Variants in SEC14L5 observed in about 807,000 individuals in gnomAD.
SEC14L5 encodes SEC14 like lipid binding 5.
Under a neutral mutation model 84.6 loss-of-function variants are expected in SEC14L5, and 96 were observed. That is an observed-to-expected ratio of 1.13 (90% CI 0.96 to 1.34). SEC14L5 has a LOEUF of 1.34. Ranked by LOEUF, SEC14L5 falls within the 40% of genes most tolerant of loss-of-function variation. The pLI is 0.00. For synonymous variants in SEC14L5, 546 were observed against 383.4 expected (o/e 1.42, Z -4.95); for missense variants, 1,224 against 942.5 (o/e 1.30, Z -3.91).
intron 2 of SEC14L5, among the ~76,000 whole-genome samples, chr16:4,982,258 G>A (rs185526063): frequency 1.0e-3 from 159 of 152,276 alleles, no homozygotes; most frequent in African/African-American, 3.7e-3. Context: ...GGAAGGGGGA[G>A]GAGGTGTCTG....
intron 2 of SEC14L5, among the ~76,000 whole-genome samples, chr16:4,979,316 G>A (rs1955390627): frequency 1.3e-5 from 2 of 152,216 alleles, no homozygotes; most frequent in African/African-American, 4.8e-5. Context: ...CCCATGGTCT[G>A]ACTGCAAGGG....
rs1365622314 is a variant in SEC14L5 at position 4,997,060 on chromosome 16, C to T, written c.970+16C>T. 1.9e-6 allele frequency: 3 copies of T among 1,586,590 alleles called. No homozygotes were observed. Reference sequence around the variant, plus strand: ...CAGGACATAGGTGCGTGCCTCCACCCACATCATGTATAGGGCATACTTTGG... The same window carrying T: ...CAGGACATAGGTGCGTGCCTCCACCTACATCATGTATAGGGCATACTTTGG... On this transcript the variant is annotated intron_variant, in intron 8 of 15. Transcript: ENST00000251170.
chr16:4,978,634 G>A (rs939704972), intron 2 of SEC14L5, among the ~76,000 whole-genome samples: 13 of 151,336 alleles, frequency 8.6e-5, no homozygotes, highest in African/African-American at 2.4e-4. Flanking sequence ...ATGGAGTCTC[G>A]CTCTGTCACC....
chr16:4,972,537 C>G (rs1164741248), intron 2 of SEC14L5, among the ~76,000 whole-genome samples: 7 of 152,220 alleles, frequency 4.6e-5, no homozygotes, highest in Non-Finnish European at 1.0e-4. Flanking sequence ...TTTGCTGTCT[C>G]TGCAAATTTG....
Position 5,017,017 on chromosome 16 carries a change from AT to A in SEC14L5, c.*2048del, listed in dbSNP as rs1460302842. The A allele has an allele frequency of 6.6e-6, 1 of 152,204 alleles. No homozygotes were observed. Among genetic ancestry groups the A allele is most frequent in the Non-Finnish European group, 1.5e-5 (1 of 68,042 alleles). 9.4% of individuals were successfully genotyped at this position (152,204 alleles called of 1,614,324 possible). The stretch of plus-strand genomic sequence containing the variant: ...AGAGCAACTTGCAATATTTTCAACT[AT>A]CTTTAAGTGAATTTCTAGCTTTTCT... On this transcript the variant is annotated 3_prime_UTR_variant, in exon 16 of 16. Coordinates refer to ENST00000251170, the MANE Select transcript of SEC14L5 (RefSeq NM_014692.2).
chr16:4,967,695 C>A (rs566847856), intron 2 of SEC14L5, among the ~76,000 whole-genome samples: 1 of 146,920 alleles, frequency 6.8e-6, no homozygotes, highest in South Asian at 2.2e-4. Context: ...ACCTCAGCCT[C>A]CTGAGTAGCT....
At chr16:4,996,578 A>T (rs1955612197) in intron 7 of SEC14L5, 118 bp downstream of exon 7, 1 of 634,930 alleles carries the variant, frequency 1.6e-6, no homozygotes, top group African/African-American at 1.8e-5. Context: ...TTGCTTATTT[A>T]TTTATTTATT....
chr16:4,989,372 G>A (rs1955528898), intron 4 of SEC14L5, among the ~76,000 whole-genome samples: 1 of 149,950 alleles, frequency 6.7e-6, no homozygotes, highest in African/African-American at 2.4e-5. Flanking sequence ...TCGCTCTGTG[G>A]CCCAGGCTGG....
chr16:4,995,404 G>A (rs1028752476), intron 6 of SEC14L5, among the ~76,000 whole-genome samples: 1 of 152,152 alleles, frequency 6.6e-6, no homozygotes, highest in African/African-American at 2.4e-5. Context: ...TGTTCCCTGT[G>A]GTTCCCAGGC....
chr16:4,969,451 C>G (rs1225853258), intron 2 of SEC14L5, among the ~76,000 whole-genome samples: 1 of 151,668 alleles, frequency 6.6e-6, no homozygotes, highest in Non-Finnish European at 1.5e-5. Context: ...ATGGTGCCAT[C>G]TCGCGCATGG....
chr16:4,987,504 G>GC, intron 2 of SEC14L5, 53 bp from the exon 3 acceptor site: 2 of 1,444,430 alleles, frequency 1.4e-6, no homozygotes, highest in South Asian at 2.6e-5. Flanking sequence ...CGCTGGGGGG[G>GC]GGGGTCCCTC....
chr16:5,014,954 C>A lies in SEC14L5; in HGVS notation c.2075C>A (p.Ser692Tyr), dbSNP rs756184928. Reference sequence around the variant, plus strand: ...TCCTCCGGCCAGTCTCATAGCAGCTCCCTGGTCTCCAGATAGCCGGGCCCA... The same window carrying A: ...TCCTCCGGCCAGTCTCATAGCAGCTACCTGGTCTCCAGATAGCCGGGCCCA... Reference protein sequence around the residue: ...SSSSGQSHSSSLVSR With the variant: ...SSSSGQSHSSYLVSR Residue 692 changes from serine (S) to tyrosine (Y), a missense_variant, in exon 16 of 16, where the codon TCC (serine) becomes TAC (tyrosine). Transcript: ENST00000251170. The A allele has an allele frequency of 5.6e-6, 9 of 1,610,952 alleles. No homozygotes were observed. Among genetic ancestry groups the A allele is most frequent in the African/African-American group, 5.3e-5 (4 of 74,946 alleles).
chr16:5,012,000 A>G (rs1040192415), intron 15 of SEC14L5, among the ~76,000 whole-genome samples: 2 of 152,212 alleles, frequency 1.3e-5, no homozygotes, highest in South Asian at 2.1e-4. Context: ...TCTAAAAATG[A>G]TGCTTTAAAT....
rs1229945046 is a variant in SEC14L5 at position 4,996,994 on chromosome 16, C to G, written c.920C>G (p.Pro307Arg). The change falls in exon 8 of 16, where the codon CCT becomes CGT. Residue 307 changes from proline to arginine, a missense_variant. Transcript: ENST00000251170. ...CTCCTCCTTCAGACCTGGCAACCCC[C>G]TGCCCTGCTGGAGGAGTTCTATGCA... ...VDLLLQTWQP[P>R]ALLEEFYAGG... is the part of the protein sequence containing the mutation. The G allele has an allele frequency of 4.3e-6, 7 of 1,613,238 alleles. No homozygotes were observed. In the African/African-American group the frequency reaches 9.3e-5, roughly 22 times the overall value.
intron 8 of SEC14L5, among the ~76,000 whole-genome samples, chr16:4,998,771 C>T (rs1196089815): frequency 1.3e-4 from 18 of 142,118 alleles, no homozygotes; most frequent in African/African-American, 4.2e-4. Flanking sequence ...AAAAAATAAA[C>T]GTTCATCTAT....
At position 4,996,438 on chromosome 16, in the gene SEC14L5, T is replaced by G; in HGVS notation, c.758T>G (p.Leu253Ter). 7.0e-6 allele frequency: 11 copies of G among 1,569,678 alleles called. No individual in the cohort carries two copies. The highest frequency in any genetic ancestry group is 8.6e-6 in the Non-Finnish European group (10 of 1,157,792). The change falls in exon 7 of 16, where the codon TTA becomes TGA. Residue 253 changes from leucine to a stop codon, truncating the protein, a stop_gained. Transcript: ENST00000251170. LOFTEE classifies it high-confidence loss of function. ...ESCLIQLRHW[L>*]QETHKGKIPK... ...TGCCTGATCCAGCTTCGGCACTGGT[T>G]ACAGGAGACCCACAAAGGCAAGGTG...
chr16:4,988,113 C>T (rs1228094853), intron 3 of SEC14L5, 36 bp from the exon 4 acceptor site: 5 of 1,610,542 alleles, frequency 3.1e-6, no homozygotes, highest in East Asian at 2.2e-5. Context: ...TCCACGCCGC[C>T]CACCCACCTC....
rs909450244 is a variant in SEC14L5 at position 4,963,828 on chromosome 16, G to C, written c.63+4442G>C. Among the ~76,000 whole-genome samples, 5 of 151,950 alleles carry C rather than the reference G, an allele frequency of 3.3e-5. No homozygotes were observed. In the East Asian group the frequency reaches 7.7e-4, roughly 23 times the overall value. The stretch of plus-strand genomic sequence containing the variant: ...AAGCATGCACCACCATACCCGGCTA[G>C]TTTTTAAATTCTACTATATAAAAAT... On this transcript the variant is annotated intron_variant, in intron 2 of 15. Coordinates refer to ENST00000251170, the MANE Select transcript of SEC14L5 (RefSeq NM_014692.2).
chr16:4,959,934 T>G (rs1955098731), intron 2 of SEC14L5, among the ~76,000 whole-genome samples: 1 of 152,142 alleles, frequency 6.6e-6, no homozygotes, highest in Non-Finnish European at 1.5e-5. Context: ...AACCTCACAT[T>G]TGACCACAGA....
Sources: gnomAD v4.1 joint callset for allele counts (sites outside exome capture counted in the v4.1 genomes callset) on GRCh38, gnomAD v4.1.1 for gene constraint, MANE v1.5 for transcripts, NCBI Gene and HGNC (gene_info 2026-07-23, HGNC 2026-07-21) for gene names.